The following GALNT18 variants were observed in gnomAD, a reference collection of about 807,000 sequenced individuals.
The protein encoded by GALNT18 is polypeptide N-acetylgalactosaminyltransferase 18.
A neutral mutation model predicts 69.5 loss-of-function variants in GALNT18; 44 were observed. The observed-to-expected ratio is 0.63, with a 90% confidence interval of 0.50 to 0.81. The LOEUF is 0.81. GALNT18 is among the 40% of genes least tolerant of loss of function. The probability of loss-of-function intolerance (pLI) is 0.00; values close to 1 mark genes in which losing one functional copy is unlikely to be tolerated. For synonymous variants in GALNT18, 364 were observed against 318.2 expected, an observed-to-expected ratio of 1.14 and a Z score of -1.53; for missense variants, 715 against 810.0, an observed-to-expected ratio of 0.88 and a Z score of 1.42.
At chr11:11,525,254 C>T (rs1405788949) in intron 1 of GALNT18, among the ~76,000 whole-genome samples, 3 of 151,994 alleles carry the variant, frequency 2.0e-5, no homozygotes, top group Admixed American at 6.5e-5. Flanking sequence ...CTCAAGGAAA[C>T]GCGAATGACT....
intron 1 of GALNT18, among the ~76,000 whole-genome samples, chr11:11,510,664 T>G (rs1202410858): frequency 1.3e-5 from 2 of 152,236 alleles, no homozygotes; most frequent in Non-Finnish European, 2.9e-5. Flanking sequence ...GGTGCCTGCC[T>G]TTAAGGAGTT....
chr11:11,358,826 A>ACACACACACACACACACACACAC (rs1850583904), intron 6 of GALNT18, among the ~76,000 whole-genome samples: 1 of 110,822 alleles, frequency 9.0e-6, no homozygotes, highest in Non-Finnish European at 2.0e-5. Flanking sequence ...ATCCACACAA[A>ACACACACACACACACACACACAC]ACACACACAC....
intron 6 of GALNT18, among the ~76,000 whole-genome samples, chr11:11,343,858 A>G (rs1850253336): frequency 6.6e-6 from 1 of 152,204 alleles, no homozygotes. Context: ...CATTCTAATC[A>G]GAATGGTGGT....
At chr11:11,342,759 T>A (rs530238646) in intron 6 of GALNT18, among the ~76,000 whole-genome samples, 29 of 152,334 alleles carry the variant, frequency 1.9e-4, no homozygotes, top group Non-Finnish European at 1.5e-5. Context: ...ATGAGACTAC[T>A]CAGGTTCACA....
intron 1 of GALNT18, among the ~76,000 whole-genome samples, chr11:11,570,813 G>T (rs1181098759): frequency 6.6e-6 from 1 of 152,212 alleles, no homozygotes; most frequent in Non-Finnish European, 1.5e-5. Context: ...CACATTCAGG[G>T]CTCAGCACAC....
At chr11:11,380,029 G>C (rs560292720) in intron 3 of GALNT18, among the ~76,000 whole-genome samples, 10 of 152,336 alleles carry the variant, frequency 6.6e-5, no homozygotes, top group Admixed American at 6.5e-4. Flanking sequence ...CAGTTGGTTG[G>C]ACAGGATTCT....
At chr11:11,291,493 A>ATGTT (rs1564882523) in intron 10 of GALNT18, among the ~76,000 whole-genome samples, 5 of 151,678 alleles carry the variant, frequency 3.3e-5, no homozygotes, top group Non-Finnish European at 7.3e-5. Context: ...TACTGTATGA[A>ATGTT]TGTTAGCTGT....
At chr11:11,370,153 C>A (rs1158024609) in intron 6 of GALNT18, among the ~76,000 whole-genome samples, 1 of 152,246 alleles carries the variant, frequency 6.6e-6, no homozygotes, top group East Asian at 1.9e-4. Context: ...CAGTAAAACC[C>A]ATGGCACAAA....
At chr11:11,286,787 G>A (rs1003947321) in intron 10 of GALNT18, among the ~76,000 whole-genome samples, 7 of 152,090 alleles carry the variant, frequency 4.6e-5, no homozygotes, top group African/African-American at 1.7e-4. Flanking sequence ...GAAATAAGGG[G>A]TAAATGATGC....
chr11:11,439,389 A>G lies in GALNT18; in HGVS notation c.429-6602T>C, dbSNP rs1201979241. 6.6e-6 allele frequency among the ~76,000 whole-genome samples: 1 copy of G among 152,090 alleles called. No homozygotes were observed. Among genetic ancestry groups the G allele is most frequent in the Admixed American group, 6.5e-5 (1 of 15,270 alleles). The stretch of plus-strand genomic sequence containing the variant: ...CTTCATCAGCCTTCAAAAAATCCCA[A>G]CCACCTGTGGTCACCTGCATAGGTT... On this transcript the variant is annotated intron_variant, in intron 2 of 10. Transcript: ENST00000227756. This position sits in a 1 kb window ranked among gnomAD's most constrained non-coding sequence, Gnocchi z 4.4.
Position 11,292,890 on chromosome 11 carries a change from G to A in GALNT18, c.1677+139C>T, listed in dbSNP as rs139215854. Reference sequence around the variant, plus strand: ...CAGCAAATCCCTGAGAAGCAAAGCAGTCTGGAGCCACAGCCTCACTACTGC... The same window carrying A: ...CAGCAAATCCCTGAGAAGCAAAGCAATCTGGAGCCACAGCCTCACTACTGC... On this transcript the variant is annotated intron_variant, in intron 10 of 10. Coordinates refer to ENST00000227756, the MANE Select transcript of GALNT18 (RefSeq NM_198516.3). 1,908 of 704,922 alleles carry A rather than the reference G, an allele frequency of 2.7e-3. 25 individuals are homozygous for A. In the African/African-American group the frequency reaches 0.028, roughly 10 times the overall value. 43.7% of individuals were successfully genotyped at this position (704,922 alleles called of 1,614,324 possible).
Position 11,523,732 on chromosome 11 carries a change from A to T in GALNT18, c.236-74796T>A, listed in dbSNP as rs10831628. On this transcript the variant is annotated intron_variant, in intron 1 of 10. Coordinates refer to ENST00000227756, the MANE Select transcript of GALNT18 (RefSeq NM_198516.3). The surrounding 1 kb of genome is among the most constrained non-coding windows in gnomAD (Gnocchi z 4.3). ...AGACTCCATCTCAAAAAAAAAAAAAAATATCGTACACCCTGCCTCCCTGGG... is the reference window on the plus strand; with the variant it reads ...AGACTCCATCTCAAAAAAAAAAAAATATATCGTACACCCTGCCTCCCTGGG... Among the ~76,000 whole-genome samples, 32,244 of 151,204 alleles carry T rather than the reference A, an allele frequency of 0.21. 4,146 individuals are homozygous for T. Among genetic ancestry groups the T allele is most frequent in the Non-Finnish European group, 0.27 (18,316 of 67,690 alleles).
At chr11:11,472,875 C>T (rs1049899240) in intron 1 of GALNT18, among the ~76,000 whole-genome samples, 11 of 152,154 alleles carry the variant, frequency 7.2e-5, no homozygotes, top group Admixed American at 5.2e-4. Context: ...ACCTGTAGTC[C>T]CAGCTACTCA....
intron 1 of GALNT18, among the ~76,000 whole-genome samples, chr11:11,609,493 C>T (rs1458260693): frequency 6.6e-6 from 1 of 152,186 alleles, no homozygotes; most frequent in Non-Finnish European, 1.5e-5. Flanking sequence ...TGCAGTCCCT[C>T]GTATTTTTGC....
At chr11:11,491,585 G>T (rs1236090651) in intron 1 of GALNT18, among the ~76,000 whole-genome samples, 3 of 152,204 alleles carry the variant, frequency 2.0e-5, no homozygotes, top group Non-Finnish European at 4.4e-5. Context: ...CTATGGATTT[G>T]GTTTTCATAT....
intron 1 of GALNT18, among the ~76,000 whole-genome samples, chr11:11,499,216 A>G (rs1191947890): frequency 6.6e-6 from 1 of 152,162 alleles, no homozygotes; most frequent in African/African-American, 2.4e-5. Context: ...CTCTATCCCA[A>G]TACTGTATTC....
intron 1 of GALNT18, among the ~76,000 whole-genome samples, chr11:11,551,342 C>T (rs552254016): frequency 2.0e-5 from 3 of 151,980 alleles, no homozygotes; most frequent in Non-Finnish European, 4.4e-5. Flanking sequence ...TGAAGGAAAA[C>T]GGACAAGTTG....
rs1859472460 is a variant in GALNT18, at chr11:11,595,302, C to T, written c.235+26057G>A. On this transcript the variant is annotated intron_variant, in intron 1 of 10. Transcript: ENST00000227756. The surrounding 1 kb of genome is among the most constrained non-coding windows in gnomAD (Gnocchi z 5.2). ...AATTAGAGCCTTTTTATAAAGAGGGCTCAGGGAGCTAGTTAGCCCCTTTTA... is the reference window on the plus strand; with the variant it reads ...AATTAGAGCCTTTTTATAAAGAGGGTTCAGGGAGCTAGTTAGCCCCTTTTA... Among the ~76,000 whole-genome samples the T allele has an allele frequency of 6.6e-6, 1 of 152,054 alleles. No homozygotes were observed. The highest frequency in any genetic ancestry group is 1.5e-5 in the Non-Finnish European group (1 of 68,008).
chr11:11,589,361 AC>A (rs1161762185), intron 1 of GALNT18, among the ~76,000 whole-genome samples: 5 of 152,204 alleles, frequency 3.3e-5, no homozygotes, highest in African/African-American at 1.2e-4. Context: ...AAAAACCAAA[AC>A]AGACAAACAA....
Sources: gnomAD v4.1 joint callset for allele counts (sites outside exome capture counted in the v4.1 genomes callset) on GRCh38, gnomAD v4.1.1 for gene constraint, Gnocchi (gnomAD v3.1) non-coding constraint, MANE v1.5 for transcripts, NCBI Gene and HGNC (gene_info 2026-07-23, HGNC 2026-07-21) for gene names.